The following SEMA6A variants were observed in gnomAD, a reference collection of about 807,000 sequenced individuals.
The protein encoded by SEMA6A is semaphorin 6A, also known as semaphorin-6A.
Under a neutral mutation model 96.8 loss-of-function variants are expected in SEMA6A, and 25 were observed. The observed-to-expected ratio is 0.26, with a 90% CI of 0.19 to 0.36. SEMA6A has a LOEUF of 0.36. Ranked by LOEUF, SEMA6A falls within the 10% of genes least tolerant of loss-of-function variation. SEMA6A has a pLI of 1.00. For synonymous variants in SEMA6A, 612 were observed against 518.0 expected (o/e 1.18, Z -2.46); for missense variants, 1,363 against 1,323.1 (o/e 1.03, Z -0.47).
chr5:116,491,635 G>T (rs553419973), intron 7 of SEMA6A, 105 bp downstream of exon 7: 2 of 823,424 alleles, frequency 2.4e-6, no homozygotes, highest in South Asian at 1.5e-5. Context: ...ATTCACCAGA[G>T]AATCAAAGCA....
chr5:116,482,304 G>GT, intron 11 of SEMA6A, 140 bp downstream of exon 11: 1 of 844,468 alleles, frequency 1.2e-6, no homozygotes, highest in East Asian at 2.7e-5. Context: ...GTAACTTTGG[G>GT]TTTTGGTTAA....
chr5:116,495,587 G>T, intron 5 of SEMA6A, 73 bp from the exon 6 acceptor site: 1 of 1,120,314 alleles, frequency 8.9e-7, no homozygotes, highest in Non-Finnish European at 1.3e-6. Flanking sequence ...GTATGCCATG[G>T]TTGGCTGACA....
chr5:116,486,550 C>T (rs1358283312), intron 10 of SEMA6A, 199 bp downstream of exon 10: 5 of 539,036 alleles, frequency 9.3e-6, no homozygotes, highest in Non-Finnish European at 9.9e-6. Context: ...TATCTAATTA[C>T]TTCCCCTAAA....
chr5:116,498,002 A>C (rs1282272114), intron 3 of SEMA6A, among the ~76,000 whole-genome samples: 1 of 152,124 alleles, frequency 6.6e-6, no homozygotes, highest in Non-Finnish European at 1.5e-5. Context: ...GCTTCTGTTC[A>C]CCTTCCTGTT....
At chr5:116,552,633 G>T (rs911547132) in intron 1 of SEMA6A, among the ~76,000 whole-genome samples, 1 of 152,162 alleles carries the variant, frequency 6.6e-6, no homozygotes, top group Non-Finnish European at 1.5e-5. Context: ...ACCGTCTTGT[G>T]AGGGAGCATC....
rs1756771501 is a variant in SEMA6A, at chr5:116,481,555, A to C, written c.1094+889T>G. Among the ~76,000 whole-genome samples the C allele has an allele frequency of 3.3e-5, 5 of 152,082 alleles. No homozygotes were observed. In the South Asian group the frequency reaches 1.0e-3, roughly 32 times the overall value. On this transcript the variant is annotated intron_variant, in intron 11 of 18. Transcript: ENST00000343348. ...CTTGGCTAGGTATGTTGTGGGGAGG[A>C]CTGGAGGTTGCGGAAGAGAGTTGAA...
chr5:116,460,338 G>A (rs1755302214), intron 18 of SEMA6A, among the ~76,000 whole-genome samples: 1 of 152,052 alleles, frequency 6.6e-6, no homozygotes, highest in Non-Finnish European at 1.5e-5. Context: ...CTGAACTCAA[G>A]TATGCTAAGA....
chr5:116,571,630 C>T (rs1580531215), intron 1 of SEMA6A, among the ~76,000 whole-genome samples: 1 of 152,162 alleles, frequency 6.6e-6, no homozygotes, highest in East Asian at 1.9e-4. Flanking sequence ...ACCATACAAA[C>T]AAGCATGGGT....
intron 17 of SEMA6A, 154 bp from the exon 18 acceptor site, chr5:116,467,901 G>C (rs1755871768): frequency 5.9e-6 from 4 of 682,314 alleles, no homozygotes; most frequent in East Asian, 5.6e-5. Flanking sequence ...GGTGGTGGTG[G>C]TGGTGGTGGT....
Position 116,445,174 on chromosome 5 carries a change from C to T in SEMA6A, c.*1439G>A, listed in dbSNP as rs1754107569. 1 of 152,642 alleles carries T rather than the reference C, an allele frequency of 6.6e-6. No homozygotes were observed. Among genetic ancestry groups the T allele is most frequent in the Non-Finnish European group, 1.5e-5 (1 of 68,048 alleles). The allele number at this position is 152,642 out of a possible 1,614,324, so 9.5% of individuals were successfully genotyped here. ...CTGCATTCTTCCATCTGCTTGACTC[C>T]AATCTTTCAGAGGGCTGGAAGTGGG... On this transcript the variant is annotated 3_prime_UTR_variant, in exon 19 of 19. Transcript: ENST00000343348.
At chr5:116,529,908 T>G (rs1373862042) in intron 1 of SEMA6A, among the ~76,000 whole-genome samples, 1 of 152,010 alleles carries the variant, frequency 6.6e-6, no homozygotes, top group African/African-American at 2.4e-5. Context: ...ACTACCTGGG[T>G]GACGGGATCA....
intron 18 of SEMA6A, chr5:116,449,515 A>G (rs1030965818): frequency 1.8e-6 from 1 of 563,974 alleles, no homozygotes; most frequent in Non-Finnish European, 3.1e-6. Context: ...CGAGACCTTG[A>G]AGCTTTCTCA....
At chr5:116,453,890 C>T (rs148885402) in intron 18 of SEMA6A, among the ~76,000 whole-genome samples, 129 of 152,264 alleles carry the variant, frequency 8.5e-4, no homozygotes, top group East Asian at 7.9e-3. Flanking sequence ...AGCAAACAGA[C>T]AAGCAAAAAT....
chr5:116,488,250 T>C, intron 8 of SEMA6A, 54 bp from the exon 9 acceptor site: 1 of 1,214,730 alleles, frequency 8.2e-7, no homozygotes, highest in South Asian at 1.3e-5. Context: ...GTTAACAGAA[T>C]TTCAATCAAG....
At chr5:116,524,320 T>G (rs2112823537) in intron 1 of SEMA6A, among the ~76,000 whole-genome samples, 2 of 152,350 alleles carry the variant, frequency 1.3e-5, no homozygotes, top group East Asian at 3.9e-4. Context: ...TTTTGATTAC[T>G]GATTGCTGCA....
chr5:116,456,358 A>G (rs578131752), intron 18 of SEMA6A, among the ~76,000 whole-genome samples: 2 of 152,344 alleles, frequency 1.3e-5, no homozygotes, highest in African/African-American at 2.4e-5. Flanking sequence ...CTGAAATAAC[A>G]TAAATAATAT....
rs562151227 is a variant in SEMA6A, at chr5:116,548,262, A to ACATTTAGATGCCATG, written c.-39+25908_-39+25922dup. ...AAGGCTATCACACTCTCGATACTGT[A>ACATTTAGATGCCATG]CATTTAGATGCCATGCCCAAGGTGG... On this transcript the variant is annotated intron_variant, in intron 1 of 18. Transcript: ENST00000343348. 6.8e-3 allele frequency among the ~76,000 whole-genome samples: 1,029 copies of ACATTTAGATGCCATG among 152,260 alleles called. 17 individuals carry two copies. The highest frequency in any genetic ancestry group is 0.024 in the African/African-American group (978 of 41,550).
At position 116,447,638 on chromosome 5, in the gene SEMA6A, C is replaced by G. The variant is rs777068759; in HGVS notation, c.2068G>C (p.Glu690Gln). The G allele has an allele frequency of 6.2e-7, 1 of 1,614,024 alleles. No homozygotes were observed. The highest frequency in any genetic ancestry group is 1.7e-5 in the Admixed American group (1 of 60,030). Reference protein sequence around the residue: ...DVAVVQRKEKELTHSRRGSMS... With the variant: ...DVAVVQRKEKQLTHSRRGSMS... ...GAGCCCCGGCGCGAGTGGGTGAGCT[C>G]CTTCTCCTTGCGCTGCACCACAGCC... The change falls in exon 19 of 19, where the codon GAG becomes CAG. Residue 690 changes from glutamate (E) to glutamine (Q), a missense_variant. By Grantham distance (29) the Glu-to-Gln change is conservative. Around this residue, in one of 2 missense-constraint regions of SEMA6A, gnomAD observed 883 missense variants for 763.6 expected, o/e 1.16. Transcript: ENST00000343348.
At chr5:116,516,293 C>T (rs528975262) in intron 1 of SEMA6A, among the ~76,000 whole-genome samples, 1 of 152,236 alleles carries the variant, frequency 6.6e-6, no homozygotes, top group African/African-American at 2.4e-5. Flanking sequence ...ATTTTCTGTT[C>T]ATCTGTGTAT....
Sources: gnomAD v4.1 joint callset for allele counts (sites outside exome capture counted in the v4.1 genomes callset) on GRCh38, gnomAD v4.1.1 for gene constraint, gnomAD v4.1.1 regional missense constraint, MANE v1.5 for transcripts, NCBI Gene and HGNC (gene_info 2026-07-23, HGNC 2026-07-21) for gene names.